LSR: variants seen among roughly 807,000 people sequenced by gnomAD.
The protein encoded by LSR is lipolysis-stimulated lipoprotein receptor.
In LSR, 44 loss-of-function variants were observed where a neutral mutation model predicts 61.8. That is an observed-to-expected ratio of 0.71 (90% CI 0.56 to 0.91). LSR has a LOEUF of 0.91. LSR is among the 40% of genes least tolerant of loss of function. LSR has a pLI of 0.00. For missense variants in LSR, 911 were observed against 830.5 expected (o/e 1.10, Z -1.19); for synonymous variants, 397 against 350.6 (o/e 1.13, Z -1.48).
chr19:35,260,343 G>A (rs2065911388), intron 3 of LSR, among the ~76,000 whole-genome samples: 1 of 141,770 alleles, frequency 7.1e-6, no homozygotes, highest in African/African-American at 2.6e-5. Context: ...CCAGGCTGGA[G>A]TGCAGTGGCT....
rs748636035 is a variant in LSR, at chr19:35,266,827, T to C, written c.1013-9T>C. The C allele has an allele frequency of 3.1e-6, 5 of 1,607,216 alleles. No homozygotes were observed. Among genetic ancestry groups the C allele is most frequent in the South Asian group, 2.2e-5 (2 of 90,060 alleles). On this transcript the variant is annotated splice_polypyrimidine_tract_variant and intron_variant, in intron 7 of 9. Coordinates refer to ENST00000605618, the MANE Select transcript of LSR (RefSeq NM_205834.4). ...CCTCCCAAACCGACCACCACCCCCC[T>C]GTCCCTAGAAGTCCGCAGTGGCTAC...
At chr19:35,265,332 C>T (rs956988570) in intron 5 of LSR, among the ~76,000 whole-genome samples, 3 of 152,198 alleles carry the variant, frequency 2.0e-5, no homozygotes, top group African/African-American at 7.2e-5. Context: ...CATCCGGAGA[C>T]CCTGTTACCC....
At chr19:35,253,621 G>A (rs1449836024) in intron 2 of LSR, 2 of 152,354 alleles carry the variant, frequency 1.3e-5, no homozygotes, top group Non-Finnish European at 2.9e-5. Flanking sequence ...GGGAAGCAGG[G>A]TTCCAGGGGC....
rs746985695 is a variant in LSR at position 35,249,014 on chromosome 19, A to G, written c.-9A>G. 4 of 1,608,302 alleles carry G rather than the reference A, an allele frequency of 2.5e-6. No homozygotes were observed. The highest frequency in any genetic ancestry group is 1.1e-5 in the South Asian group (1 of 90,716). ...GGACGCGCGGGCCAGACGCGCCCAG[A>G]CGGCCGCGATGGCGCTGTTGGCCGG... On this transcript the variant is annotated 5_prime_UTR_variant, in exon 1 of 10. Transcript: ENST00000605618.
intron 5 of LSR, 64 bp downstream of exon 5, chr19:35,262,756 G>A: frequency 6.3e-7 from 1 of 1,578,594 alleles, no homozygotes; most frequent in Non-Finnish European, 8.6e-7. Context: ...GAAGGAGGTG[G>A]CCATCCACCT....
Position 35,250,608 on chromosome 19 carries a change from G to T in LSR, c.403G>T (p.Ala135Ser). 6.2e-7 allele frequency: 1 copy of T among 1,602,038 alleles called. No individual in the cohort carries two copies. Among genetic ancestry groups the T allele is most frequent in the Non-Finnish European group, 8.5e-7 (1 of 1,171,402 alleles). Residue 135 changes from alanine to serine, a missense_variant, in exon 2 of 10, where the codon GCT becomes TCT. Ala to Ser is a moderately conservative substitution (Grantham distance 99). Coordinates refer to ENST00000605618, the MANE Select transcript of LSR (RefSeq NM_205834.4). ...GGTCGTGGCCACCAAGCAGGGCAAC[G>T]CTGTGACCCTGGGAGATTACTACCA... ...VRVVATKQGN[A>S]VTLGDYYQGR... is the part of the protein sequence containing the mutation.
rs367584968 is a variant in LSR, at chr19:35,250,467, A to G, written c.262A>G (p.Ile88Val). The change falls in exon 2 of 10, where the codon ATC becomes GTC. Residue 88 changes from isoleucine (I) to valine (V), a missense_variant. Transcript: ENST00000605618. ...WKYKSFCRDRIADAFSPASVD... is the reference protein window; with the variant it reads ...WKYKSFCRDRVADAFSPASVD... Reference sequence around the variant, plus strand: ...GTACAAGTCTTTCTGCCGGGACCGCATCGCCGATGCCTTCTCCCCGGCCAG... The same window carrying G: ...GTACAAGTCTTTCTGCCGGGACCGCGTCGCCGATGCCTTCTCCCCGGCCAG... The G allele has an allele frequency of 2.5e-6, 4 of 1,613,982 alleles. No homozygotes were observed. The African/African-American group carries it at 5.3e-5, about 22-fold the overall frequency.
chr19:35,257,631 G>A (rs1033833143), intron 2 of LSR, among the ~76,000 whole-genome samples: 5 of 152,148 alleles, frequency 3.3e-5, no homozygotes, highest in Non-Finnish European at 5.9e-5. Context: ...TGGGAAGGTG[G>A]CAGGCAGGTC....
chr19:35,249,297 T>G, intron 1 of LSR, 166 bp downstream of exon 1: 3 of 792,052 alleles, frequency 3.8e-6, no homozygotes, highest in Non-Finnish European at 3.7e-6. Context: ...TGAGAGGAAT[T>G]CCCCATTTGT....
At chr19:35,266,796 A>C (rs1312298429) in intron 7 of LSR, 40 bp from the exon 8 acceptor site, 3 of 1,608,290 alleles carry the variant, frequency 1.9e-6, no homozygotes, top group Non-Finnish European at 1.7e-6. Context: ...GTGGGCCAGG[A>C]TCCATCCTCC....
rs1222441020 is a variant in LSR at position 35,266,842 on chromosome 19, G to A, written c.1019G>A (p.Arg340His). The change falls in exon 8 of 10, where the codon CGC becomes CAC. Residue 340 changes from arginine to histidine, a missense_variant. Coordinates refer to ENST00000605618, the MANE Select transcript of LSR (RefSeq NM_205834.4). ...DTDSSVASEV[R>H]SGYRIQASQQ... ...ACCACCCCCCTGTCCCTAGAAGTCCGCAGTGGCTACAGGATTCAGGCCAGC... is the reference window on the plus strand; with the variant it reads ...ACCACCCCCCTGTCCCTAGAAGTCCACAGTGGCTACAGGATTCAGGCCAGC... The A allele has an allele frequency of 6.2e-7, 1 of 1,607,946 alleles. No individual in the cohort carries two copies. The highest frequency in any genetic ancestry group is 8.5e-7 in the Non-Finnish European group (1 of 1,177,070).
At chr19:35,262,483 G>C in intron 4 of LSR, 63 bp from the exon 5 acceptor site, 2 of 1,585,110 alleles carry the variant, frequency 1.3e-6, no homozygotes, top group Non-Finnish European at 1.7e-6. Flanking sequence ...ATGTACCCCT[G>C]CTGTGCCGTT....
intron 2 of LSR, among the ~76,000 whole-genome samples, chr19:35,252,304 C>T (rs566149958): frequency 1.3e-5 from 2 of 152,186 alleles, no homozygotes; most frequent in South Asian, 4.1e-4. Flanking sequence ...AAGGAGATGA[C>T]ATTCTGGTGG....
chr19:35,266,784 G>A (rs2066007152), intron 7 of LSR, 46 bp downstream of exon 7: 3 of 1,608,720 alleles, frequency 1.9e-6, no homozygotes, highest in Middle Eastern at 1.6e-4. Context: ...TAAGGGAGAG[G>A]GGTGGGCCAG....
Position 35,259,026 on chromosome 19 carries a change from A to AG in LSR, c.540dup (p.Asn181GlufsTer3). 6.2e-7 allele frequency: 1 copy of AG among 1,613,992 alleles called. No individual in the cohort carries two copies. The highest frequency in any genetic ancestry group is 8.5e-7 in the Non-Finnish European group (1 of 1,179,954). ...TCCGTGGTCTCAGCCCAGGACCTCCAGGGGAACAATGAGGCCTACGCAGAG... is the reference window on the plus strand; with the variant it reads ...TCCGTGGTCTCAGCCCAGGACCTCCAGGGGGAACAATGAGGCCTACGCAGAG... On this transcript the variant is annotated frameshift_variant, in exon 3 of 10. Coordinates refer to ENST00000605618, the MANE Select transcript of LSR (RefSeq NM_205834.4). LOFTEE classifies it high-confidence loss of function.
At chr19:35,263,921 C>T (rs957717197) in intron 5 of LSR, 1 of 152,082 alleles carries the variant, frequency 6.6e-6, no homozygotes, top group African/African-American at 2.4e-5. Context: ...ATTCTCCTGC[C>T]TCAGCCTCCC....
intron 2 of LSR, among the ~76,000 whole-genome samples, chr19:35,256,729 TGAAA>T (rs66540479): frequency 0.11 from 3,972 of 37,748 alleles, 118 homozygotes; most frequent in Admixed American, 0.22. Flanking sequence ...AATGAATGAA[TGAAA>T]GAAAGAAAGA....
In LSR at chr19:35,267,828, T is replaced by C; in HGVS notation, c.1775T>C (p.Leu592Ser). 6.2e-7 allele frequency: 1 copy of C among 1,613,900 alleles called. No homozygotes were observed. Residue 592 changes from leucine (L) to serine (S), a missense_variant, in exon 10 of 10, where the codon TTG (leucine) becomes TCG (serine). Leu to Ser is a moderately radical substitution (Grantham distance 145, BLOSUM62 -2). Transcript: ENST00000605618. ...TTCTTTCTTTCTCCCTTGCAGAACT[T>C]GGCCCTGAGTCGGGAAAGTTTAGTC... is the stretch of plus-strand genomic sequence containing the variant. ...ASRERRLKKN[L>S]ALSRESLVV
At chr19:35,252,519 C>T (rs1013854850) in intron 2 of LSR, among the ~76,000 whole-genome samples, 2 of 151,006 alleles carry the variant, frequency 1.3e-5, no homozygotes, top group African/African-American at 4.9e-5. Flanking sequence ...CATGGTGGCA[C>T]ATGCCTGTAA....
Sources: allele counts gnomAD v4.1 joint callset (sites outside exome capture counted in the v4.1 genomes callset), GRCh38; gene constraint gnomAD v4.1.1; transcripts MANE v1.5; gene names NCBI Gene and HGNC (gene_info 2026-07-23, HGNC 2026-07-21).